PIDD1: variants seen among roughly 807,000 people sequenced by gnomAD.
PIDD1 encodes the protein p53-induced death domain-containing protein 1.
A neutral mutation model predicts 80.0 loss-of-function variants in PIDD1; 72 were observed. That is an observed-to-expected ratio of 0.90 (90% CI 0.74 to 1.09). The LOEUF is 1.09. PIDD1 is among the 50% of genes least tolerant of loss of function. The pLI is 0.00. For synonymous variants in PIDD1, 655 were observed against 543.5 expected (o/e 1.21, Z -2.85); for missense variants, 1,329 against 1,228.3 (o/e 1.08, Z -1.23).
chr11:800,976 G>A lies in PIDD1; in HGVS notation c.1766+9C>T, dbSNP rs750058383. Reference sequence around the variant, plus strand: ...GGGAGGGGGGCTGAGAAAGCTGGGGGGCACTGACCAGGAGAAGTGTGTGAC... The same window carrying A: ...GGGAGGGGGGCTGAGAAAGCTGGGGAGCACTGACCAGGAGAAGTGTGTGAC... On this transcript the variant is annotated intron_variant, in intron 10 of 15. Transcript: ENST00000347755. 7.0e-6 allele frequency: 11 copies of A among 1,561,764 alleles called. No individual in the cohort carries two copies. Among genetic ancestry groups the A allele is most frequent in the Non-Finnish European group, 9.7e-6 (11 of 1,137,880 alleles).
At chr11:802,503 C>A (rs769008158) in intron 5 of PIDD1, 40 bp downstream of exon 5, 22 of 1,607,920 alleles carry the variant, frequency 1.4e-5, no homozygotes, top group Non-Finnish European at 1.7e-5. Context: ...GAGTGACAGG[C>A]AGACAGACTC....
chr11:805,592 C>G (rs11246315), upstream of PIDD1: 18,396 of 983,960 alleles, frequency 0.019, 877 homozygotes, highest in East Asian at 0.26. Context: ...GACGGGGGTA[C>G]TCTTGCCGCT....
At position 803,228 on chromosome 11, in the gene PIDD1, G is replaced by A. The variant is rs1319369996; in HGVS notation, c.655C>T (p.Leu219Phe). The change falls in exon 3 of 16, where the codon CTC (leucine) becomes TTC (phenylalanine). Residue 219 changes from leucine to phenylalanine, a missense_variant. By Grantham distance (22) the Leu-to-Phe change is conservative. Coordinates refer to ENST00000347755, the MANE Select transcript of PIDD1 (RefSeq NM_145886.4). Reference protein sequence around the residue: ...LPPEIGGLGSLLELNLASNRL... With the variant: ...LPPEIGGLGSFLELNLASNRL... The stretch of plus-strand genomic sequence containing the variant: ...TTGGAGGCCAGGTTGAGCTCCAGGA[G>A]GCTGCCCAGGCCTCCAATCTCAGGA... The A allele has an allele frequency of 1.1e-5, 17 of 1,612,240 alleles. No homozygotes were observed. Among genetic ancestry groups the A allele is most frequent in the African/African-American group, 4.0e-5 (3 of 74,930 alleles).
Position 803,338 on chromosome 11 carries a change from C to A in PIDD1, c.545G>T (p.Arg182Leu). 1 of 1,613,900 alleles carries A rather than the reference C, an allele frequency of 6.2e-7. No homozygotes were observed. The highest frequency in any genetic ancestry group is 8.5e-7 in the Non-Finnish European group (1 of 1,179,978). ...ALTFLTVTHN[R>L]LQTLPPALGA... ...CAGTGCTGGGGGCAGCGTCTGCAGG[C>A]GGTTGTGTGTCACTGTGAGGAAGGT... Residue 182 changes from arginine (R) to leucine (L), a missense_variant, in exon 3 of 16, where the codon CGC becomes CTC. By Grantham distance (102) the Arg-to-Leu change is moderately radical. Transcript: ENST00000347755.
At chr11:804,614 C>A (rs1565070467) in intron 1 of PIDD1, 151 bp from the exon 2 acceptor site, 3 of 719,166 alleles carry the variant, frequency 4.2e-6, no homozygotes. Flanking sequence ...CCCTGAACCC[C>A]GGAGGCCTGG....
Position 802,153 on chromosome 11 carries a change from TGCCCTGGCCCACACACTGCCCCC to T in PIDD1, c.1176+19_1176+41del. ...CCGGGCCCGCACACTGCCCCTGCCA[TGCCCTGGCCCACACACTGCCCCC>T]GCCACGCCCTGTCCATGCCTGCTGG... On this transcript the variant is annotated intron_variant, in intron 6 of 15. Coordinates refer to ENST00000347755, the MANE Select transcript of PIDD1 (RefSeq NM_145886.4). The T allele has an allele frequency of 6.4e-7, 1 of 1,564,368 alleles. No individual in the cohort carries two copies. The highest frequency in any genetic ancestry group is 8.7e-7 in the Non-Finnish European group (1 of 1,154,974).
Position 802,573 on chromosome 11 carries a change from G to C in PIDD1, c.944C>G (p.Pro315Arg). The C allele has an allele frequency of 6.2e-7, 1 of 1,613,360 alleles. No homozygotes were observed. The highest frequency in any genetic ancestry group is 8.5e-7 in the Non-Finnish European group (1 of 1,179,768). The change falls in exon 5 of 16, where the codon CCC (proline) becomes CGC (arginine). Residue 315 changes from proline (P) to arginine (R), a missense_variant. By Grantham distance (103) the Pro-to-Arg change is moderately radical. Transcript: ENST00000347755. ...SPVAALIPEMPRLFLTSDLDS... is the reference protein window; with the variant it reads ...SPVAALIPEMRRLFLTSDLDS... ...CAAATCTGAGGTCAGGAACAGTCTG[G>C]GCATTTCTGGAATGAGGGCTGCCAC...
intron 1 of PIDD1, 53 bp downstream of exon 1, chr11:805,126 C>G: frequency 1.2e-6 from 1 of 857,158 alleles, no homozygotes; most frequent in Non-Finnish European, 1.4e-6. Context: ...CCCAGCCTCC[C>G]AAAAGCAAAC....
rs1361642361 is a variant in PIDD1 at position 801,612 on chromosome 11, G to A, written c.1315C>T (p.His439Tyr). 5 of 1,544,162 alleles carry A rather than the reference G, an allele frequency of 3.2e-6. No homozygotes were observed. Among genetic ancestry groups the A allele is most frequent in the South Asian group, 1.2e-5 (1 of 84,382 alleles). ...CAGGAGAAGTGGGGCACCTGGCAGTGAGCCCAGAGCCGCTGGGATGGGGGA... is the reference window on the plus strand; with the variant it reads ...CAGGAGAAGTGGGGCACCTGGCAGTAAGCCCAGAGCCGCTGGGATGGGGGA... ...EEEAPQRLWA[H>Y]CQVPHFSWFL... The change falls in exon 8 of 16, where the codon CAC becomes TAC. Residue 439 changes from histidine to tyrosine, a missense_variant. His to Tyr is a moderately conservative substitution (Grantham distance 83). Coordinates refer to ENST00000347755, the MANE Select transcript of PIDD1 (RefSeq NM_145886.4).
chr11:808,561 G>T (rs900275050), upstream of PIDD1, among the ~76,000 whole-genome samples: 2 of 152,190 alleles, frequency 1.3e-5, no homozygotes, highest in Non-Finnish European at 2.9e-5. Context: ...TTAGCCGGGT[G>T]TGGTGGCACA....
At chr11:807,922 C>A (rs941093943), upstream of PIDD1, among the ~76,000 whole-genome samples, 2 of 152,172 alleles carry the variant, frequency 1.3e-5, no homozygotes, top group African/African-American at 4.8e-5. Context: ...TTTGTCTTAG[C>A]ATCTACCTTT....
chr11:804,565 C>T (rs1865647954), intron 1 of PIDD1, 102 bp from the exon 2 acceptor site: 2 of 1,203,996 alleles, frequency 1.7e-6, no homozygotes, highest in East Asian at 2.6e-5. Context: ...GCCAGGCCAT[C>T]TGGGCCTGGG....
chr11:799,592 G>A, intron 15 of PIDD1, 27 bp from the exon 16 acceptor site: 2 of 1,572,022 alleles, frequency 1.3e-6, no homozygotes, highest in Non-Finnish European at 8.6e-7. Flanking sequence ...GGCGACAGAG[G>A]GGTCCTGTCC....
upstream of PIDD1, among the ~76,000 whole-genome samples, chr11:808,319 C>T (rs1371880577): frequency 6.6e-6 from 1 of 151,824 alleles, no homozygotes; most frequent in Non-Finnish European, 1.5e-5. Context: ...CCCAGCTACT[C>T]AGGAGACTGA....
At position 799,841 on chromosome 11, in the gene PIDD1, C is replaced by T; in HGVS notation, c.2448G>A (p.Glu816=). 1.2e-6 allele frequency: 2 copies of T among 1,602,966 alleles called. No individual in the cohort carries two copies. The highest frequency in any genetic ancestry group is 1.7e-6 in the Non-Finnish European group (2 of 1,175,406). Residue 816 remains glutamate, a synonymous_variant, in exon 15 of 16, where the codon GAG becomes GAA. Coordinates refer to ENST00000347755, the MANE Select transcript of PIDD1 (RefSeq NM_145886.4). ...VALHLGVSYR[E]VQRIRHEFRD... ...GGAACTCGTGCCGGATGCGCTGCAC[C>T]TCCCGGTAGGACACCCCCAGGTGCA... is the stretch of plus-strand genomic sequence containing the variant.
At chr11:805,145 G>A (rs1053279498) in intron 1 of PIDD1, 34 bp downstream of exon 1, 10 of 945,800 alleles carry the variant, frequency 1.1e-5, no homozygotes, top group Admixed American at 6.2e-5. Context: ...ACGTGTCCCC[G>A]CCGCCCCCTC....
At position 803,347 on chromosome 11, in the gene PIDD1, G is replaced by C; in HGVS notation, c.536C>G (p.Thr179Arg). ...ALPALTFLTV[T>R]HNRLQTLPPA... ...GGGCAGCGTCTGCAGGCGGTTGTGTGTCACTGTGAGGAAGGTGAGGGCGGG... is the reference window on the plus strand; with the variant it reads ...GGGCAGCGTCTGCAGGCGGTTGTGTCTCACTGTGAGGAAGGTGAGGGCGGG... Residue 179 changes from threonine to arginine, a missense_variant, in exon 3 of 16, where the codon ACA becomes AGA. Physicochemically the swap from Thr to Arg is moderately conservative, Grantham distance 71. Coordinates refer to ENST00000347755, the MANE Select transcript of PIDD1 (RefSeq NM_145886.4). 6.2e-7 allele frequency: 1 copy of C among 1,614,028 alleles called. No homozygotes were observed. The highest frequency in any genetic ancestry group is 8.5e-7 in the Non-Finnish European group (1 of 1,180,016).
rs1376744364 is a variant in PIDD1, at chr11:802,589, G to A, written c.928C>T (p.Leu310Phe). The change falls in exon 5 of 16, where the codon CTC (leucine) becomes TTC (phenylalanine). Residue 310 changes from leucine (L) to phenylalanine (F), a missense_variant. Coordinates refer to ENST00000347755, the MANE Select transcript of PIDD1 (RefSeq NM_145886.4). ...AACAGTCTGGGCATTTCTGGAATGA[G>A]GGCTGCCACTGTGCAGGGGACAGAC... ...PDAPSSPVAALIPEMPRLFLT... is the reference protein window; with the variant it reads ...PDAPSSPVAAFIPEMPRLFLT... 3 of 1,613,050 alleles carry A rather than the reference G, an allele frequency of 1.9e-6. No individual in the cohort carries two copies. Among genetic ancestry groups the A allele is most frequent in the Non-Finnish European group, 2.5e-6 (3 of 1,179,722 alleles).
At position 802,392 on chromosome 11, in the gene PIDD1, G is replaced by C. The variant is rs749657217; in HGVS notation, c.979C>G (p.Pro327Ala). 5.0e-6 allele frequency: 8 copies of C among 1,612,074 alleles called. No homozygotes were observed. Among genetic ancestry groups the C allele is most frequent in the Non-Finnish European group, 6.8e-6 (8 of 1,179,772 alleles). The change falls in exon 6 of 16, where the codon CCT becomes GCT. Residue 327 changes from proline to alanine, a missense_variant. Transcript: ENST00000347755. ...ACTGAGCAGCCTTGAGGGGTCACAG[G>C]AAAGCTGAGTGAGGAAGGAGCGAGC... ...LFLTSDLDSF[P>A]VTPQGCSVTL...
Sources: gnomAD v4.1 joint callset for allele counts (sites outside exome capture counted in the v4.1 genomes callset) on GRCh38, gnomAD v4.1.1 for gene constraint, MANE v1.5 for transcripts, NCBI Gene and HGNC (gene_info 2026-07-23, HGNC 2026-07-21) for gene names.